The following FAM53B variants were observed in gnomAD, a reference collection of about 807,000 sequenced individuals.
FAM53B encodes protein FAM53B.
A neutral mutation model predicts 32.7 loss-of-function variants in FAM53B; 12 were observed. That is an observed-to-expected ratio of 0.37 (90% confidence interval 0.24 to 0.59). The LOEUF (loss-of-function observed/expected upper bound fraction) is 0.59. Among genes scored for constraint, FAM53B ranks in the 20% least tolerant of loss-of-function variants. FAM53B has a pLI of 0.72. For synonymous variants in FAM53B, 234 were observed against 228.7 expected, an observed-to-expected ratio of 1.02 and a Z score of -0.21; for missense variants, 477 against 577.7, an observed-to-expected ratio of 0.83 and a Z score of 1.79.
chr10:124,643,105 C>G (rs951428340), intron 4 of FAM53B, among the ~76,000 whole-genome samples: 13 of 152,162 alleles, frequency 8.5e-5, no homozygotes, highest in Non-Finnish European at 2.9e-5. Flanking sequence ...AAAACACAAA[C>G]AAAAATGTCT....
chr10:124,670,264 C>T (rs4962680), intron 4 of FAM53B, among the ~76,000 whole-genome samples: 41,647 of 152,078 alleles, frequency 0.27, 6,649 homozygotes, highest in South Asian at 0.39. Flanking sequence ...TATGCTTTCA[C>T]CCTCATGTGC....
intron 3 of FAM53B, among the ~76,000 whole-genome samples, chr10:124,694,350 G>C (rs566407099): frequency 6.6e-6 from 1 of 152,340 alleles, no homozygotes; most frequent in Non-Finnish European, 1.5e-5. Flanking sequence ...GCCTCCGATA[G>C]ACTCTCCTGG....
intron 4 of FAM53B, among the ~76,000 whole-genome samples, chr10:124,634,941 C>A (rs1185868170): frequency 6.6e-6 from 1 of 152,058 alleles, no homozygotes; most frequent in Non-Finnish European, 1.5e-5. Flanking sequence ...TGAATTATAT[C>A]TCAATAAAGC....
chr10:124,686,485 G>C (rs1057057675), intron 3 of FAM53B, among the ~76,000 whole-genome samples: 2 of 152,142 alleles, frequency 1.3e-5, no homozygotes, highest in East Asian at 3.8e-4. Flanking sequence ...GGCCTGGACC[G>C]TTCTTTTCCT....
chr10:124,722,791 C>T (rs142949522), intron 1 of FAM53B, among the ~76,000 whole-genome samples: 1 of 152,286 alleles, frequency 6.6e-6, no homozygotes, highest in East Asian at 1.9e-4. Context: ...CAGGAGCTCC[C>T]CCCAGGAAGG....
intron 1 of FAM53B, among the ~76,000 whole-genome samples, chr10:124,716,437 T>C (rs745574840): frequency 6.6e-5 from 10 of 152,216 alleles, no homozygotes; most frequent in Non-Finnish European, 1.3e-4. Flanking sequence ...TTCAATGTTG[T>C]AGGGATTTTC....
At chr10:124,706,544 T>A (rs1347780928) in intron 2 of FAM53B, 92 bp downstream of exon 2, 1 of 1,535,370 alleles carries the variant, frequency 6.5e-7, no homozygotes, top group African/African-American at 1.4e-5. Context: ...CTGGACTCGA[T>A]TTGCTAAGCT....
At chr10:124,668,270 A>G (rs1949686175) in intron 4 of FAM53B, among the ~76,000 whole-genome samples, 1 of 152,226 alleles carries the variant, frequency 6.6e-6, no homozygotes, top group Admixed American at 6.5e-5. Flanking sequence ...ACACACGGCC[A>G]TCTCGCCCCT....
At position 124,681,866 on chromosome 10, in the gene FAM53B, T is replaced by G. The variant is rs1160065870; in HGVS notation, c.647A>C (p.His216Pro). The change falls in exon 4 of 5, where the codon CAC becomes CCC. Residue 216 changes from histidine (H) to proline (P), a missense_variant. This residue lies in a region of FAM53B where 312 missense variants were observed against 420.2 expected (regional missense o/e 0.74). Transcript: ENST00000337318. ...GTCCAGCCGGCCTCCTCCCACGGGG[T>G]GCAGGTCAGGGCTCCAGGTGTCACC... is the stretch of plus-strand genomic sequence containing the variant. The part of the protein sequence containing the change: ...QAGDTWSPDL[H>P]PVGGGRLDLQ... The G allele has an allele frequency of 5.0e-6, 8 of 1,613,230 alleles. No homozygotes were observed. Among genetic ancestry groups the G allele is most frequent in the African/African-American group, 1.3e-5 (1 of 74,912 alleles).
At chr10:124,722,347 AAAG>A (rs765275821) in intron 1 of FAM53B, among the ~76,000 whole-genome samples, 4 of 152,344 alleles carry the variant, frequency 2.6e-5, no homozygotes, top group South Asian at 4.1e-4. Flanking sequence ...AAATTAAAAA[AAAG>A]AAGGCTTTGG....
chr10:124,673,203 C>G (rs536888514), intron 4 of FAM53B, among the ~76,000 whole-genome samples: 29 of 152,246 alleles, frequency 1.9e-4, no homozygotes, highest in African/African-American at 6.7e-4. Flanking sequence ...GGCCTCCCCA[C>G]CTCCCCCAGA....
At position 124,733,696 on chromosome 10, in the gene FAM53B, C is replaced by A. The variant is rs1950158826; in HGVS notation, c.-175+10317G>T. On this transcript the variant is annotated intron_variant, in intron 1 of 4. Transcript: ENST00000337318. The surrounding 1 kb of genome is among the most constrained non-coding windows in gnomAD (Gnocchi z 4.3). ...TTTGTCTAAAAATAAACAAAGACCA[C>A]ATCACTCTGGCCAAGGCGGCACTTG... Among the ~76,000 whole-genome samples the A allele has an allele frequency of 6.6e-6, 1 of 152,206 alleles. No homozygotes were observed. Among genetic ancestry groups the A allele is most frequent in the Non-Finnish European group, 1.5e-5 (1 of 68,032 alleles).
chr10:124,638,284 G>A (rs1949447166), intron 4 of FAM53B, among the ~76,000 whole-genome samples: 1 of 152,116 alleles, frequency 6.6e-6, no homozygotes, highest in South Asian at 2.1e-4. Context: ...GCAGGAAAAT[G>A]GCATGAACCT....
intron 4 of FAM53B, among the ~76,000 whole-genome samples, chr10:124,673,891 G>A (rs929452114): frequency 1.3e-5 from 2 of 152,202 alleles, no homozygotes; most frequent in Non-Finnish European, 2.9e-5. Context: ...GACGCCCATG[G>A]CTACACCTGG....
intron 4 of FAM53B, among the ~76,000 whole-genome samples, chr10:124,637,354 C>T (rs1949439741): frequency 6.6e-6 from 1 of 152,208 alleles, no homozygotes; most frequent in Non-Finnish European, 1.5e-5. Flanking sequence ...GCTGGGCATG[C>T]CCTGGGGAAG....
At chr10:124,649,895 T>A (rs1949545571) in intron 4 of FAM53B, among the ~76,000 whole-genome samples, 1 of 152,224 alleles carries the variant, frequency 6.6e-6, no homozygotes. Flanking sequence ...TTTAAGTCCA[T>A]GGTGCCTTTA....
At chr10:124,718,403 C>T (rs930728079) in intron 1 of FAM53B, among the ~76,000 whole-genome samples, 3 of 152,206 alleles carry the variant, frequency 2.0e-5, no homozygotes, top group Non-Finnish European at 4.4e-5. Flanking sequence ...TCCGCCTTCT[C>T]CCTTCTACCC....
intron 1 of FAM53B, among the ~76,000 whole-genome samples, chr10:124,732,989 T>A (rs1017610390): frequency 6.6e-6 from 1 of 152,240 alleles, no homozygotes; most frequent in African/African-American, 2.4e-5. Context: ...ACTTTTGGCC[T>A]ATGCGGACGC....
At chr10:124,640,806 A>G (rs1393184600) in intron 4 of FAM53B, among the ~76,000 whole-genome samples, 1 of 152,156 alleles carries the variant, frequency 6.6e-6, no homozygotes, top group Non-Finnish European at 1.5e-5. Flanking sequence ...GCTGACCACC[A>G]TGCAATACAG....
Sources: allele counts gnomAD v4.1 joint callset (sites outside exome capture counted in the v4.1 genomes callset), GRCh38; gene constraint gnomAD v4.1.1; regional missense constraint gnomAD v4.1.1; non-coding constraint Gnocchi (gnomAD v3.1); transcripts MANE v1.5; gene names NCBI Gene and HGNC (gene_info 2026-07-23, HGNC 2026-07-21).